SLC23A2: variants seen among roughly 807,000 people sequenced by gnomAD.
SLC23A2 encodes solute carrier family 23 member 2, also known as Na(+)/L-ascorbic acid transporter 2.
Under a neutral mutation model 73.3 loss-of-function variants are expected in SLC23A2, and 36 were observed. The ratio of observed to expected loss-of-function variants is 0.49; its 90% CI spans 0.38 to 0.65. The LOEUF (loss-of-function observed/expected upper bound fraction) is 0.65. SLC23A2 is among the 30% of genes least tolerant of loss of function. SLC23A2 has a pLI of 0.00. For missense variants in SLC23A2, 507 were observed against 841.6 expected (o/e 0.60, Z 4.92); for synonymous variants, 343 against 327.3 (o/e 1.05, Z -0.52).
intron 1 of SLC23A2, among the ~76,000 whole-genome samples, chr20:5,007,765 GGAATTATAT>G (rs1374495270): frequency 6.6e-6 from 1 of 151,932 alleles, no homozygotes; most frequent in Non-Finnish European, 1.5e-5. Context: ...TAGTATAAAT[GGAATTATAT>G]GAATTATATA....
In SLC23A2 at chr20:4,984,414, C is replaced by A. The variant is rs533064113; in HGVS notation, c.-281-13495G>T. Reference sequence around the variant, plus strand: ...CTAAAAATACAAAAAATTAGCCGGGCATGGTGGTGGGCGCCTGTAGTCCCA... The same window carrying A: ...CTAAAAATACAAAAAATTAGCCGGGAATGGTGGTGGGCGCCTGTAGTCCCA... On this transcript the variant is annotated intron_variant, in intron 1 of 16. Coordinates refer to ENST00000338244, the MANE Select transcript of SLC23A2 (RefSeq NM_005116.6). 4.1e-4 allele frequency among the ~76,000 whole-genome samples: 62 copies of A among 152,120 alleles called. 1 individual carries two copies. Among genetic ancestry groups the A allele is most frequent in the Admixed American group, 2.6e-4 (4 of 15,280 alleles).
chr20:4,997,384 A>G (rs76540348), intron 1 of SLC23A2, among the ~76,000 whole-genome samples: 4,188 of 151,832 alleles, frequency 0.028, 192 homozygotes, highest in African/African-American at 0.096. Flanking sequence ...GGGCCTTTGT[A>G]TCTGCTGTTT....
chr20:5,009,245 C>T (rs1004947958), intron 1 of SLC23A2, among the ~76,000 whole-genome samples: 3 of 152,068 alleles, frequency 2.0e-5, no homozygotes, highest in African/African-American at 7.2e-5. Context: ...TCCTCCTGCT[C>T]CCTTCAAAAA....
intron 2 of SLC23A2, among the ~76,000 whole-genome samples, chr20:4,951,009 C>A (rs2087193680): frequency 1.3e-5 from 2 of 152,054 alleles, no homozygotes; most frequent in South Asian, 4.1e-4. Flanking sequence ...GGCAGGAGAC[C>A]CACCACCACA....
chr20:4,873,912 C>G, intron 11 of SLC23A2, 24 bp downstream of exon 11: 1 of 1,601,030 alleles, frequency 6.2e-7, no homozygotes, highest in Non-Finnish European at 8.5e-7. Context: ...GGCTCTTGAC[C>G]CCTCTAGCCA....
At chr20:4,949,220 G>A (rs982499722) in intron 2 of SLC23A2, among the ~76,000 whole-genome samples, 10 of 150,752 alleles carry the variant, frequency 6.6e-5, no homozygotes, top group East Asian at 1.9e-4. Flanking sequence ...CCTGGGAGGC[G>A]GAGATTGCAG....
chr20:4,947,912 G>T lies in SLC23A2; in HGVS notation c.-154-15196C>A, dbSNP rs1458429474. Among the ~76,000 whole-genome samples the T allele has an allele frequency of 6.6e-6, 1 of 152,190 alleles. No individual in the cohort carries two copies. Among genetic ancestry groups the T allele is most frequent in the Non-Finnish European group, 1.5e-5 (1 of 68,034 alleles). On this transcript the variant is annotated intron_variant, in intron 2 of 16. Transcript: ENST00000338244. This position sits in a 1 kb window ranked among gnomAD's most constrained non-coding sequence, Gnocchi z 4.4. ...TCTTCCAGGTCTCCAGATGCCTTTT[G>T]TCATTTGATGCTCCCCCTGGCTCAC...
At chr20:4,985,660 C>T (rs2087813494) in intron 1 of SLC23A2, among the ~76,000 whole-genome samples, 2 of 152,152 alleles carry the variant, frequency 1.3e-5, no homozygotes, top group Non-Finnish European at 2.9e-5. Flanking sequence ...GTTGGTCAGG[C>T]TGGTCTTGAA....
intron 2 of SLC23A2, among the ~76,000 whole-genome samples, chr20:4,954,881 C>T (rs1445063308): frequency 2.0e-5 from 3 of 151,906 alleles, no homozygotes; most frequent in Admixed American, 1.3e-4. Context: ...AGAGGGGTGC[C>T]CTTTAAAGAC....
chr20:4,908,783 C>CCAGGTGTGGT (rs1480374024), intron 4 of SLC23A2, among the ~76,000 whole-genome samples: 17 of 152,224 alleles, frequency 1.1e-4, no homozygotes, highest in African/African-American at 4.1e-4. Flanking sequence ...GAAAAATTAG[C>CCAGGTGTGGT]CAGGTGTGGT....
rs374760122 is a variant in SLC23A2, at chr20:4,935,777, C to G, written c.-154-3061G>C. Among the ~76,000 whole-genome samples the G allele has an allele frequency of 7.2e-4, 109 of 151,702 alleles. 1 individual carries two copies. The highest frequency in any genetic ancestry group is 2.6e-3 in the African/African-American group (107 of 41,334). On this transcript the variant is annotated intron_variant, in intron 2 of 16. Transcript: ENST00000338244. ...TCATACCACTGCACTCCAGCCTGGG[C>G]GACAGAGCGAGACTCCATCTCAAAA...
intron 1 of SLC23A2, among the ~76,000 whole-genome samples, chr20:4,996,435 C>T (rs2088021227): frequency 6.6e-6 from 1 of 151,962 alleles, no homozygotes; most frequent in African/African-American, 2.4e-5. Flanking sequence ...TGCCTGTAAT[C>T]CCAGCACTTT....
intron 13 of SLC23A2, among the ~76,000 whole-genome samples, chr20:4,867,510 G>A (rs1363163904): frequency 6.6e-6 from 1 of 151,934 alleles, no homozygotes; most frequent in East Asian, 1.9e-4. Flanking sequence ...ACAGTGGCCT[G>A]GCAGAGTCAG....
chr20:4,874,186 G>C, intron 10 of SLC23A2, 94 bp from the exon 11 acceptor site: 2 of 1,200,724 alleles, frequency 1.7e-6, no homozygotes, highest in Non-Finnish European at 2.4e-6. Context: ...TCACACCCCA[G>C]AGCCCACCAC....
At chr20:4,984,500 C>A (rs1286901229) in intron 1 of SLC23A2, among the ~76,000 whole-genome samples, 1 of 150,220 alleles carries the variant, frequency 6.7e-6, no homozygotes, top group Non-Finnish European at 1.5e-5. Flanking sequence ...TTGCAGTGAG[C>A]CGAGATTGCA....
intron 1 of SLC23A2, among the ~76,000 whole-genome samples, chr20:5,006,588 C>A (rs1039519339): frequency 7.5e-6 from 1 of 132,734 alleles, no homozygotes; most frequent in Non-Finnish European, 1.6e-5. Context: ...TATTTTGAGA[C>A]GGAGTCTTGC....
At chr20:4,983,829 G>A (rs1489870684) in intron 1 of SLC23A2, among the ~76,000 whole-genome samples, 2 of 151,454 alleles carry the variant, frequency 1.3e-5, no homozygotes, top group Non-Finnish European at 2.9e-5. Context: ...GGTGGTGCAT[G>A]CCTGTAATCC....
intron 1 of SLC23A2, among the ~76,000 whole-genome samples, chr20:4,975,734 T>C (rs987669885): frequency 6.6e-6 from 1 of 151,744 alleles, no homozygotes; most frequent in Admixed American, 6.6e-5. Context: ...TGACATCTGG[T>C]TTTGATCTTG....
intron 10 of SLC23A2, 107 bp downstream of exon 10, chr20:4,874,469 G>A: frequency 9.6e-7 from 1 of 1,039,298 alleles, no homozygotes; most frequent in Non-Finnish European, 1.4e-6. Flanking sequence ...TCACTGCACA[G>A]ATATGATCCC....
Sources: gnomAD v4.1 joint callset for allele counts (sites outside exome capture counted in the v4.1 genomes callset) on GRCh38, gnomAD v4.1.1 for gene constraint, Gnocchi (gnomAD v3.1) non-coding constraint, MANE v1.5 for transcripts, NCBI Gene and HGNC (gene_info 2026-07-23, HGNC 2026-07-21) for gene names.